Variants in FAAH2 observed in about 807,000 individuals in gnomAD.
FAAH2 encodes fatty-acid amide hydrolase 2.
FAAH2 carries 60 observed loss-of-function variants against 36.9 expected under a neutral mutation model. The ratio of observed to expected loss-of-function variants is 1.63; its 90% CI spans 1.32 to 2.02. FAAH2 has a LOEUF of 2.02. Ranked by LOEUF, FAAH2 falls within the 30% of genes most tolerant of loss-of-function variation. FAAH2 has a pLI of 0.00. For missense variants in FAAH2, 689 were observed against 397.5 expected, an observed-to-expected ratio of 1.73 and a Z score of -6.23; for synonymous variants, 214 against 143.8, an observed-to-expected ratio of 1.49 and a Z score of -3.49.
chrX:57,429,219 G>A lies in FAAH2; in HGVS notation c.997-2699G>A, dbSNP rs1458603195. On this transcript the variant is annotated intron_variant, in intron 7 of 10. Coordinates refer to ENST00000374900, the MANE Select transcript of FAAH2 (RefSeq NM_174912.4). ...CTGGGCGTGGTGGCGGGTGCCTGTA[G>A]TCCCAGCTACTTGGGAGGCTGAGGC... Among the ~76,000 whole-genome samples, 3 of 108,739 alleles carry A rather than the reference G, an allele frequency of 2.8e-5. No homozygotes were observed. The Admixed American group carries it at 3.0e-4, about 11-fold the overall frequency. 94.4% of individuals were successfully genotyped at this position (108,739 alleles called of 115,157 possible).
chrX:57,287,967 ACC>A (rs999748476), intron 1 of FAAH2, among the ~76,000 whole-genome samples: 1 of 110,779 alleles, frequency 9.0e-6, no homozygotes, highest in African/African-American at 3.3e-5. Flanking sequence ...TTCTTGCCGT[ACC>A]CCCTCCCCAG....
At chrX:57,391,442 A>T (rs766076503) in intron 7 of FAAH2, among the ~76,000 whole-genome samples, 32 of 109,833 alleles carry the variant, frequency 2.9e-4, no homozygotes, top group African/African-American at 9.9e-4. Context: ...TTCTTGTTTG[A>T]GGTCTTACAT....
intron 7 of FAAH2, among the ~76,000 whole-genome samples, chrX:57,422,747 A>T (rs758550729): frequency 9.0e-6 from 1 of 111,635 alleles, no homozygotes; most frequent in Non-Finnish European, 1.9e-5. Flanking sequence ...CAGGGAGGAC[A>T]CAAGGACACT....
At chrX:57,441,266 C>T (rs768624566) in intron 8 of FAAH2, among the ~76,000 whole-genome samples, 9 of 111,366 alleles carry the variant, frequency 8.1e-5, no homozygotes, top group African/African-American at 2.9e-4. Context: ...CTAATTATTG[C>T]ATCAATTTCA....
chrX:57,176,858 G>A, the FAAH2 span, among the ~76,000 whole-genome samples: 1 of 111,290 alleles, frequency 9.0e-6, no homozygotes, highest in Non-Finnish European at 1.9e-5. Flanking sequence ...TTCTGTGTGA[G>A]TTCCTTGGTA....
intron 2 of FAAH2, among the ~76,000 whole-genome samples, chrX:57,309,203 T>C (rs2052624213): frequency 8.9e-6 from 1 of 112,033 alleles, no homozygotes; most frequent in Non-Finnish European, 1.9e-5. Context: ...TTTGGGCATA[T>C]TGACTTATTG....
In FAAH2 at chrX:57,395,305, G is replaced by T. The variant is rs1038961419; in HGVS notation, c.996+14276G>T. 6.2e-6 allele frequency: 4 copies of T among 647,952 alleles called. No homozygotes were observed. In the African/African-American group the frequency reaches 8.8e-5, roughly 14 times the overall value. The allele number at this position is 647,952 out of a possible 1,213,427, so 53.4% of individuals were successfully genotyped here. On this transcript the variant is annotated intron_variant, in intron 7 of 10. Transcript: ENST00000374900. ...CCAACCTGTAATATTGCCAGGCCTGGTGTGAAACCAGGTACTTGTCCTTCA... is the reference window on the plus strand; with the variant it reads ...CCAACCTGTAATATTGCCAGGCCTGTTGTGAAACCAGGTACTTGTCCTTCA...
At chrX:57,308,306 C>CT in intron 2 of FAAH2, among the ~76,000 whole-genome samples, 1 of 111,151 alleles carries the variant, frequency 9.0e-6, no homozygotes, top group East Asian at 2.8e-4. Context: ...TGTTTTTTTA[C>CT]TTTTAATAAT....
chrX:57,284,008 G>A (rs2051777459), upstream of FAAH2, among the ~76,000 whole-genome samples: 1 of 111,799 alleles, frequency 8.9e-6, no homozygotes, highest in South Asian at 3.7e-4. Flanking sequence ...GCGCTGTGCT[G>A]TGGGTTCGCG....
chrX:57,239,229 G>C, the FAAH2 span, among the ~76,000 whole-genome samples: 1 of 111,275 alleles, frequency 9.0e-6, no homozygotes, highest in African/African-American at 3.3e-5. Context: ...GTCTGGTCCA[G>C]GGCTCTTTCT....
intron 3 of FAAH2, among the ~76,000 whole-genome samples, chrX:57,330,127 A>G (rs1333836801): frequency 1.8e-5 from 2 of 112,116 alleles, no homozygotes; most frequent in Non-Finnish European, 3.8e-5. Context: ...CTGTTCAGGG[A>G]AAAAGAGAGA....
chrX:57,183,948 G>T, the FAAH2 span, among the ~76,000 whole-genome samples: 45 of 110,496 alleles, frequency 4.1e-4, no homozygotes, highest in Admixed American at 2.2e-3. Flanking sequence ...GAGCCACTCT[G>T]GGAATGTCTG....
At chrX:57,473,534 C>G (rs1457234105) in intron 10 of FAAH2, among the ~76,000 whole-genome samples, 2 of 111,385 alleles carry the variant, frequency 1.8e-5, no homozygotes, top group African/African-American at 6.5e-5. Context: ...TAAATGACTA[C>G]TACGTCCATT....
chrX:57,245,250 A>G, the FAAH2 span, among the ~76,000 whole-genome samples: 1 of 111,690 alleles, frequency 9.0e-6, no homozygotes, highest in Admixed American at 9.5e-5. Flanking sequence ...AGAGACCTAC[A>G]AAGAAACTTA....
At chrX:57,488,412 G>T in intron 10 of FAAH2, among the ~76,000 whole-genome samples, 1 of 111,564 alleles carries the variant, frequency 9.0e-6, no homozygotes, top group Middle Eastern at 4.7e-3. Flanking sequence ...AAACAAATTA[G>T]AAATAACGTC....
the FAAH2 span, among the ~76,000 whole-genome samples, chrX:57,226,406 G>A: frequency 8.9e-6 from 1 of 111,782 alleles, no homozygotes; most frequent in Non-Finnish European, 1.9e-5. Flanking sequence ...CTTCATATAT[G>A]ATGCTTCATT....
chrX:57,444,975 T>A (rs994885089), intron 8 of FAAH2, among the ~76,000 whole-genome samples: 3 of 112,026 alleles, frequency 2.7e-5, no homozygotes, highest in African/African-American at 6.5e-5. Flanking sequence ...CACTCCTGAA[T>A]TGGTCACTGG....
At chrX:57,388,382 C>G (rs940186821) in intron 7 of FAAH2, among the ~76,000 whole-genome samples, 1 of 111,047 alleles carries the variant, frequency 9.0e-6, no homozygotes, top group Non-Finnish European at 1.9e-5. Context: ...TAATCCAGGT[C>G]TTTTTATCAT....
At chrX:57,444,511 G>T (rs1602688693) in intron 8 of FAAH2, among the ~76,000 whole-genome samples, 1 of 111,573 alleles carries the variant, frequency 9.0e-6, no homozygotes, top group South Asian at 3.7e-4. Context: ...GTATGTCATG[G>T]CTTCCCTTGG....
Sources: gnomAD v4.1 joint callset for allele counts (sites outside exome capture counted in the v4.1 genomes callset) on GRCh38, gnomAD v4.1.1 for gene constraint, MANE v1.5 for transcripts, NCBI Gene and HGNC (gene_info 2026-07-23, HGNC 2026-07-21) for gene names.